The following ZPBP variants were observed in gnomAD, a reference collection of about 807,000 sequenced individuals.
The protein encoded by ZPBP is zona pellucida-binding protein 1.
Under a neutral mutation model 44.8 loss-of-function variants are expected in ZPBP, and 26 were observed. The observed-to-expected ratio is 0.58, with a 90% CI of 0.43 to 0.81. ZPBP has a LOEUF of 0.81. Ranked by LOEUF, ZPBP falls within the 30% of genes least tolerant of loss-of-function variation. The pLI is 0.00. For missense variants in ZPBP, 409 were observed against 434.0 expected (o/e 0.94, Z 0.51); for synonymous variants, 174 against 153.2 (o/e 1.14, Z -1.00).
chr7:49,903,912 C>T (rs984680330), intron 1 of ZPBP, among the ~76,000 whole-genome samples: 3 of 152,080 alleles, frequency 2.0e-5, no homozygotes, highest in Non-Finnish European at 4.4e-5. Context: ...TTTTATATTC[C>T]GCCTTGAGGA....
intron 1 of ZPBP, among the ~76,000 whole-genome samples, chr7:49,905,546 A>G (rs1449442409): frequency 6.6e-6 from 1 of 152,260 alleles, no homozygotes; most frequent in Non-Finnish European, 1.5e-5. Context: ...TCATTTAAAA[A>G]AGAGTTTTAT....
At chr7:50,026,473 ATACT>A (rs1799339223) in intron 5 of ZPBP, among the ~76,000 whole-genome samples, 2 of 151,938 alleles carry the variant, frequency 1.3e-5, no homozygotes, top group Admixed American at 1.3e-4. Context: ...GAGAATACAC[ATACT>A]TCACAAGTAC....
chr7:50,057,844 A>C, intron 4 of ZPBP, 145 bp downstream of exon 4: 3 of 727,572 alleles, frequency 4.1e-6, no homozygotes, highest in Non-Finnish European at 6.6e-6. Context: ...CCCTTTACAA[A>C]GTACTTACAT....
intron 1 of ZPBP, among the ~76,000 whole-genome samples, chr7:49,929,603 T>A (rs1057178309): frequency 1.3e-5 from 2 of 152,176 alleles, no homozygotes; most frequent in African/African-American, 4.8e-5. Flanking sequence ...TGAGATGAGT[T>A]TTGCTTTCCT....
intron 3 of ZPBP, among the ~76,000 whole-genome samples, chr7:50,069,924 G>T (rs779402936): frequency 3.9e-5 from 6 of 152,058 alleles, no homozygotes; most frequent in Non-Finnish European, 7.4e-5. Flanking sequence ...GACCATGCTA[G>T]GGATCTATGC....
Position 50,093,141 on chromosome 7 carries a change from G to C in ZPBP, c.54C>G (p.Ala18=). 3.2e-6 allele frequency: 5 copies of C among 1,550,550 alleles called. No homozygotes were observed. Among genetic ancestry groups the C allele is most frequent in the Non-Finnish European group, 4.3e-6 (5 of 1,149,908 alleles). ...CGGCCCGAGAGAGCAGGGAGCCGGCGGCCCGGGTCCGCCGCCTGCCCCGCC... is the reference window on the plus strand; with the variant it reads ...CGGCCCGAGAGAGCAGGGAGCCGGCCGCCCGGGTCCGCCGCCTGCCCCGCC... ...PARRGRRRTR[A]AGSLLSRAAI... Residue 18 remains alanine (A), a synonymous_variant, in exon 1 of 8, where the codon GCC becomes GCG. Transcript: ENST00000046087.
intron 2 of ZPBP, among the ~76,000 whole-genome samples, chr7:49,891,468 G>A (rs1163660837): frequency 2.6e-5 from 4 of 152,108 alleles, no homozygotes; most frequent in Non-Finnish European, 5.9e-5. Context: ...ATAAGGACTT[G>A]ACAACCAGTA....
chr7:50,064,808 G>T (rs192379387), intron 3 of ZPBP, among the ~76,000 whole-genome samples: 1 of 152,166 alleles, frequency 6.6e-6, no homozygotes, highest in Non-Finnish European at 1.5e-5. Flanking sequence ...TGCAGTTAAT[G>T]CAATTATTAC....
chr7:50,064,041 G>A (rs995418843), intron 3 of ZPBP, among the ~76,000 whole-genome samples: 32 of 152,120 alleles, frequency 2.1e-4, no homozygotes, highest in Admixed American at 1.1e-3. Context: ...GACCTGCCCC[G>A]ATAATTACGT....
intron 1 of ZPBP, among the ~76,000 whole-genome samples, chr7:49,930,725 GTATTTAGCATGAAAAAA>G (rs1213063990): frequency 1.3e-5 from 2 of 152,108 alleles, no homozygotes; most frequent in Non-Finnish European, 2.9e-5. Flanking sequence ...CTACTTCTGA[GTATTTAGCATGAAAAAA>G]AACTTTAAAA....
intron 2 of ZPBP, among the ~76,000 whole-genome samples, chr7:50,088,167 T>C (rs944866442): frequency 6.6e-6 from 1 of 151,936 alleles, no homozygotes; most frequent in Non-Finnish European, 1.5e-5. Flanking sequence ...GCCAAGCCAA[T>C]TGCAAAGAAA....
At chr7:50,002,806 G>A (rs1798153952) in intron 6 of ZPBP, among the ~76,000 whole-genome samples, 1 of 152,144 alleles carries the variant, frequency 6.6e-6, no homozygotes, top group Admixed American at 6.6e-5. Flanking sequence ...CTGTTTTCCA[G>A]ATAACTTGTA....
intron 4 of ZPBP, among the ~76,000 whole-genome samples, chr7:50,033,528 A>T (rs1016062400): frequency 6.6e-6 from 1 of 152,100 alleles, no homozygotes; most frequent in East Asian, 1.9e-4. Flanking sequence ...AAAAGAATTC[A>T]CTCAAGTACT....
chr7:50,000,226 T>C (rs1472868302), intron 6 of ZPBP, among the ~76,000 whole-genome samples: 1 of 152,192 alleles, frequency 6.6e-6, no homozygotes, highest in Non-Finnish European at 1.5e-5. Context: ...AGTAATTAAT[T>C]GCAAAGCTGT....
At chr7:50,088,778 A>C (rs1802797667) in intron 2 of ZPBP, among the ~76,000 whole-genome samples, 1 of 150,748 alleles carries the variant, frequency 6.6e-6, no homozygotes, top group African/African-American at 2.4e-5. Context: ...GGATATTGGA[A>C]AATCTGAACC....
chr7:49,975,259 G>C (rs185790635), intron 7 of ZPBP, among the ~76,000 whole-genome samples: 1 of 152,194 alleles, frequency 6.6e-6, no homozygotes, highest in African/African-American at 2.4e-5. Flanking sequence ...GTGCTAACTG[G>C]CATGTTCCCA....
Position 49,943,151 on chromosome 7 carries a change from C to T in ZPBP, c.962-5529G>A, listed in dbSNP as rs1001751243. 4 of 319,492 alleles carry T rather than the reference C, an allele frequency of 1.3e-5. No individual in the cohort carries two copies. The Admixed American group carries it at 1.5e-4, about 12-fold the overall frequency. 19.8% of individuals were successfully genotyped at this position (319,492 alleles called of 1,614,324 possible). ...AAGTTACTCCACCCTTTAGTAACTT[C>T]CCAGTCCAGAAAGTTAGCTTCTCAA... On this transcript the variant is annotated intron_variant, in intron 7 of 7. Transcript: ENST00000046087.
rs56327528 is a variant in ZPBP at position 49,892,500 on chromosome 7, A to G, written n.509+8618T>C. 3.5e-3 allele frequency among the ~76,000 whole-genome samples: 526 copies of G among 152,366 alleles called. 1 individual carries two copies. Among genetic ancestry groups the G allele is most frequent in the Middle Eastern group, 0.01 (3 of 294 alleles). On this transcript the variant is annotated intron_variant and non_coding_transcript_variant, in intron 2 of 2. Transcript: ENST00000465922. ...TACATTATGATTATCTAAGGAGTGC[A>G]GAGATAGGCAAACCTATTTTATTCT...
At chr7:49,897,341 G>GA (rs1238206099) in intron 2 of ZPBP, among the ~76,000 whole-genome samples, 1 of 152,012 alleles carries the variant, frequency 6.6e-6, no homozygotes, top group Non-Finnish European at 1.5e-5. Flanking sequence ...CAAAGACAGT[G>GA]AAAAAAATAC....
Sources: allele counts gnomAD v4.1 joint callset (sites outside exome capture counted in the v4.1 genomes callset), GRCh38; gene constraint gnomAD v4.1.1; transcripts MANE v1.5; gene names NCBI Gene and HGNC (gene_info 2026-07-23, HGNC 2026-07-21).